Variants in GALNT17 observed in about 807,000 individuals in gnomAD.
GALNT17 encodes UDP-GalNAc:polypeptide N-acetylgalactosaminyltransferase-like 3.
GALNT17 carries 29 observed loss-of-function variants against 63.7 expected under a neutral mutation model. That is an observed-to-expected ratio of 0.46 (90% CI 0.34 to 0.62). GALNT17 has a LOEUF of 0.62. Ranked by LOEUF, GALNT17 falls within the 20% of genes least tolerant of loss-of-function variation. The pLI is 0.01. For missense variants in GALNT17, 603 were observed against 799.6 expected (o/e 0.75, Z 2.97); for synonymous variants, 305 against 318.3 (o/e 0.96, Z 0.45).
At chr7:71,441,035 T>A (rs1171137392) in intron 5 of GALNT17, among the ~76,000 whole-genome samples, 1 of 152,014 alleles carries the variant, frequency 6.6e-6, no homozygotes, top group African/African-American at 2.4e-5. Context: ...TTTTTGGTTT[T>A]TTTTTGGAGA....
intron 5 of GALNT17, among the ~76,000 whole-genome samples, chr7:71,488,211 C>T (rs1787945140): frequency 6.6e-6 from 1 of 151,114 alleles, no homozygotes; most frequent in South Asian, 2.1e-4. Context: ...AGAGGCAAGC[C>T]TTAGACAGTG....
intron 1 of GALNT17, among the ~76,000 whole-genome samples, chr7:71,302,671 A>G (rs1362496155): frequency 6.6e-6 from 1 of 152,116 alleles, no homozygotes; most frequent in South Asian, 2.1e-4. Flanking sequence ...TGGAAAGACT[A>G]CTTTACTGGG....
chr7:71,549,020 G>A (rs1408735796), intron 5 of GALNT17, among the ~76,000 whole-genome samples: 1 of 152,176 alleles, frequency 6.6e-6, no homozygotes, highest in Non-Finnish European at 1.5e-5. Flanking sequence ...GTTATGGATA[G>A]GAATGCCCCT....
At chr7:71,360,901 A>G (rs1792387774) in intron 2 of GALNT17, among the ~76,000 whole-genome samples, 2 of 152,194 alleles carry the variant, frequency 1.3e-5, no homozygotes. Flanking sequence ...TCGTGGCACT[A>G]CACTCCAGTG....
intron 1 of GALNT17, among the ~76,000 whole-genome samples, chr7:71,150,794 C>T (rs1162148265): frequency 6.6e-6 from 1 of 151,756 alleles, no homozygotes; most frequent in African/African-American, 2.4e-5. Context: ...ACAGCCTTCT[C>T]TCTTTACCTT....
intron 9 of GALNT17, among the ~76,000 whole-genome samples, chr7:71,695,603 T>C (rs1237292349): frequency 6.6e-6 from 1 of 152,238 alleles, no homozygotes; most frequent in Admixed American, 6.5e-5. Context: ...TGTGTGCACC[T>C]GTGAAGGGGC....
intron 6 of GALNT17, among the ~76,000 whole-genome samples, chr7:71,587,813 G>A (rs1383150323): frequency 6.6e-6 from 1 of 152,084 alleles, no homozygotes; most frequent in Non-Finnish European, 1.5e-5. Context: ...CACATGCCGG[G>A]AAAAATACTC....
intron 5 of GALNT17, among the ~76,000 whole-genome samples, chr7:71,504,326 C>T (rs113484405): frequency 0.01 from 1,576 of 151,560 alleles, 25 homozygotes; most frequent in African/African-American, 0.035. Context: ...ACCTGGGTTG[C>T]GGAGGTTGCA....
In GALNT17 at chr7:71,290,598, C is replaced by T. The variant is rs983266777; in HGVS notation, c.239-44952C>T. On this transcript the variant is annotated intron_variant, in intron 1 of 10. Transcript: ENST00000333538. Reference sequence around the variant, plus strand: ...AGAAAGAGGCTGTCTGTAAAACAGGCAGGGAGCCAAGGTCCTGGGTGGCTG... The same window carrying T: ...AGAAAGAGGCTGTCTGTAAAACAGGTAGGGAGCCAAGGTCCTGGGTGGCTG... 2.0e-5 allele frequency among the ~76,000 whole-genome samples: 3 copies of T among 152,156 alleles called. No individual in the cohort carries two copies. The East Asian group carries it at 5.8e-4, about 29-fold the overall frequency.
At chr7:71,364,382 G>A (rs1160239672) in intron 2 of GALNT17, among the ~76,000 whole-genome samples, 1 of 152,094 alleles carries the variant, frequency 6.6e-6, no homozygotes, top group East Asian at 1.9e-4. Flanking sequence ...CTTCAGTCCT[G>A]GTTTTCACAG....
At chr7:71,173,641 T>G (rs905520196) in intron 1 of GALNT17, among the ~76,000 whole-genome samples, 8 of 152,082 alleles carry the variant, frequency 5.3e-5, no homozygotes, top group Non-Finnish European at 1.2e-4. Context: ...GGCATGGCGG[T>G]GCACACTTGT....
rs150408095 is a variant in GALNT17 at position 71,264,129 on chromosome 7, G to A, written c.239-71421G>A. ...TTAGCTTTTTGAACATTTTGACTTT[G>A]AGAGTGAGGGGAGAGCATGTGGATT... On this transcript the variant is annotated intron_variant, in intron 1 of 10. Coordinates refer to ENST00000333538, the MANE Select transcript of GALNT17 (RefSeq NM_022479.3). 3.5e-3 allele frequency among the ~76,000 whole-genome samples: 536 copies of A among 152,262 alleles called. 3 individuals are homozygous for A. The highest frequency in any genetic ancestry group is 0.012 in the African/African-American group (506 of 41,542).
intron 1 of GALNT17, among the ~76,000 whole-genome samples, chr7:71,149,983 G>A (rs539128653): frequency 1.3e-5 from 2 of 152,256 alleles, no homozygotes; most frequent in South Asian, 2.1e-4. Flanking sequence ...AAAGTGTGTC[G>A]GGGGCTGGAG....
At chr7:71,639,463 A>G (rs1273243946) in intron 6 of GALNT17, among the ~76,000 whole-genome samples, 2 of 152,188 alleles carry the variant, frequency 1.3e-5, no homozygotes, top group Non-Finnish European at 2.9e-5. Context: ...GCTGTCCATC[A>G]TCCTCTTTGG....
chr7:71,435,976 C>A (rs1402657757), intron 5 of GALNT17, among the ~76,000 whole-genome samples: 3 of 146,072 alleles, frequency 2.1e-5, no homozygotes, highest in Non-Finnish European at 4.5e-5. Flanking sequence ...GCCAAGATCA[C>A]GCTACTGCAC....
chr7:71,525,669 A>G (rs1413319586), intron 5 of GALNT17, among the ~76,000 whole-genome samples: 1 of 145,030 alleles, frequency 6.9e-6, no homozygotes, highest in African/African-American at 2.5e-5. Context: ...TGGAACTGTG[A>G]GTCCATTAAA....
chr7:71,490,173 T>G (rs1375589806), intron 5 of GALNT17, among the ~76,000 whole-genome samples: 4 of 150,850 alleles, frequency 2.7e-5, no homozygotes, highest in Non-Finnish European at 5.9e-5. Context: ...AGGAGAATCA[T>G]TTGAACCTGG....
At chr7:71,260,262 C>G (rs1202360857) in intron 1 of GALNT17, among the ~76,000 whole-genome samples, 13 of 152,114 alleles carry the variant, frequency 8.5e-5, no homozygotes, top group African/African-American at 2.9e-4. Context: ...GGTGACCCCA[C>G]CAAATGATTT....
chr7:71,488,802 G>A (rs1475053547), intron 5 of GALNT17, among the ~76,000 whole-genome samples: 1 of 147,140 alleles, frequency 6.8e-6, no homozygotes, highest in Admixed American at 6.9e-5. Flanking sequence ...GGCTGGTCTC[G>A]AATTCCTGGC....
Sources: gnomAD v4.1 joint callset for allele counts (sites outside exome capture counted in the v4.1 genomes callset) on GRCh38, gnomAD v4.1.1 for gene constraint, MANE v1.5 for transcripts, NCBI Gene and HGNC (gene_info 2026-07-23, HGNC 2026-07-21) for gene names.